SRD5A2: variants seen among roughly 807,000 people sequenced by gnomAD.
The protein encoded by SRD5A2 is 3-oxo-5-alpha-steroid 4-dehydrogenase 2.
SRD5A2 carries 30 observed loss-of-function variants against 27.4 expected under a neutral mutation model. That is an observed-to-expected ratio of 1.10 (90% confidence interval 0.82 to 1.49). SRD5A2 has a LOEUF of 1.49. SRD5A2 is among the 40% of genes most tolerant of loss of function. SRD5A2 has a pLI of 0.00. For synonymous variants in SRD5A2, 141 were observed against 133.6 expected, an observed-to-expected ratio of 1.06 and a Z score of -0.38; for missense variants, 348 against 323.4, an observed-to-expected ratio of 1.08 and a Z score of -0.58.
the SRD5A2 span, among the ~76,000 whole-genome samples, chr2:31,627,026 C>A: frequency 2.0e-5 from 3 of 152,098 alleles, no homozygotes; most frequent in African/African-American, 7.2e-5. Flanking sequence ...ATTGTTGCCT[C>A]AATTTCAGAA....
chr2:31,621,205 G>A, the SRD5A2 span, among the ~76,000 whole-genome samples: 1 of 151,796 alleles, frequency 6.6e-6, no homozygotes, highest in Non-Finnish European at 1.5e-5. Context: ...ACAGAATAAT[G>A]TCATCACCAC....
chr2:31,606,343 C>G, the SRD5A2 span, among the ~76,000 whole-genome samples: 1 of 151,948 alleles, frequency 6.6e-6, no homozygotes, highest in Non-Finnish European at 1.5e-5. Context: ...GGTATGGACA[C>G]CCCATTTGCC....
chr2:31,628,396 G>A, the SRD5A2 span, among the ~76,000 whole-genome samples: 19 of 152,016 alleles, frequency 1.2e-4, no homozygotes, highest in Admixed American at 6.6e-4. Flanking sequence ...CGAAGACAGC[G>A]TACCACTGGG....
intron 1 of SRD5A2, among the ~76,000 whole-genome samples, chr2:31,546,665 G>T (rs758391288): frequency 2.6e-5 from 4 of 152,158 alleles, no homozygotes; most frequent in Non-Finnish European, 4.4e-5. Context: ...GGGGCTAAGG[G>T]CTGAAAAACT....
the SRD5A2 span, among the ~76,000 whole-genome samples, chr2:31,607,370 A>G: frequency 1.3e-5 from 2 of 152,002 alleles, no homozygotes; most frequent in Non-Finnish European, 2.9e-5. Context: ...GGAAGGGTGA[A>G]GACAAAGAGG....
the SRD5A2 span, among the ~76,000 whole-genome samples, chr2:31,609,312 T>C: frequency 1.3e-5 from 2 of 151,818 alleles, no homozygotes; most frequent in Non-Finnish European, 2.9e-5. Flanking sequence ...GACAAAATAA[T>C]CTTTAAAAAG....
At chr2:31,580,948 C>A (rs1667071087), upstream of SRD5A2, 2 of 1,558,126 alleles carry the variant, frequency 1.3e-6, no homozygotes, top group Admixed American at 1.8e-5. Flanking sequence ...GAAGAGAGCG[C>A]GGCCCCCGCA....
chr2:31,546,681 T>C (rs1457504476), intron 1 of SRD5A2, among the ~76,000 whole-genome samples: 4 of 152,174 alleles, frequency 2.6e-5, no homozygotes, highest in East Asian at 3.8e-4. Flanking sequence ...AAACTACCAG[T>C]TGGCTACAAT....
chr2:31,528,973 C>A (rs1039101181), intron 4 of SRD5A2, among the ~76,000 whole-genome samples: 1 of 152,190 alleles, frequency 6.6e-6, no homozygotes, highest in Non-Finnish European at 1.5e-5. Flanking sequence ...GAGCCTGGGT[C>A]AGCTAACCCA....
At chr2:31,577,845 G>A (rs1666990771) in intron 1 of SRD5A2, among the ~76,000 whole-genome samples, 1 of 152,086 alleles carries the variant, frequency 6.6e-6, no homozygotes. Flanking sequence ...AACCACTTCT[G>A]GAAATCCTAA....
the SRD5A2 span, among the ~76,000 whole-genome samples, chr2:31,628,872 ATTCT>A: frequency 6.6e-6 from 1 of 151,892 alleles, no homozygotes; most frequent in Non-Finnish European, 1.5e-5. Context: ...TGCCTTTAAC[ATTCT>A]TTCTTTCATT....
intron 1 of SRD5A2, among the ~76,000 whole-genome samples, chr2:31,568,071 T>C (rs1346853118): frequency 6.6e-6 from 1 of 152,176 alleles, no homozygotes. Flanking sequence ...GGACCAGATG[T>C]ACCCCAAGTG....
chr2:31,653,273 T>G, the SRD5A2 span, among the ~76,000 whole-genome samples: 6 of 152,178 alleles, frequency 3.9e-5, no homozygotes, highest in Non-Finnish European at 5.9e-5. Context: ...ATCATGGAAC[T>G]GTATTCCAAA....
chr2:31,537,635 A>G (rs1383010005), intron 1 of SRD5A2, among the ~76,000 whole-genome samples: 4 of 151,776 alleles, frequency 2.6e-5, no homozygotes, highest in Non-Finnish European at 5.9e-5. Flanking sequence ...AGAACTCAGG[A>G]CTCTTTTTCT....
At chr2:31,625,457 T>C in the SRD5A2 span, among the ~76,000 whole-genome samples, 18 of 152,316 alleles carry the variant, frequency 1.2e-4, no homozygotes, top group African/African-American at 4.3e-4. Context: ...CTGAATGGTA[T>C]TGCCTAGGTT....
intron 1 of SRD5A2, among the ~76,000 whole-genome samples, chr2:31,564,340 G>C (rs1016451079): frequency 1.3e-5 from 2 of 151,458 alleles, no homozygotes; most frequent in Non-Finnish European, 2.9e-5. Flanking sequence ...TTGAAGAATA[G>C]CAATAGAAAT....
chr2:31,640,189 T>TG, the SRD5A2 span, among the ~76,000 whole-genome samples: 31 of 148,488 alleles, frequency 2.1e-4, 1 homozygote, highest in Non-Finnish European at 1.2e-4. Context: ...CAGCTGTGTG[T>TG]TTTTTTTTTA....
the SRD5A2 span, among the ~76,000 whole-genome samples, chr2:31,656,135 C>T: frequency 2.6e-5 from 4 of 152,140 alleles, no homozygotes; most frequent in East Asian, 7.7e-4. Context: ...AGAAGAGCCA[C>T]AACAGTGAAT....
At position 31,526,037 on chromosome 2, in the gene SRD5A2, A is replaced by G; in HGVS notation, c.*159T>C. 1.8e-6 allele frequency: 1 copy of G among 559,840 alleles called. No homozygotes were observed. Among genetic ancestry groups the G allele is most frequent in the Non-Finnish European group, 3.2e-6 (1 of 316,706 alleles). The allele number at this position is 559,840 out of a possible 1,614,324, so 34.7% of individuals were successfully genotyped here. A position where few individuals can be genotyped will look rare whatever the true frequency, so the allele number is the denominator to read the frequency against. On this transcript the variant is annotated 3_prime_UTR_variant, in exon 5 of 5. Coordinates refer to ENST00000622030, the MANE Select transcript of SRD5A2 (RefSeq NM_000348.4). The stretch of plus-strand genomic sequence containing the variant: ...CCTGGAAGGGTAGGAGTAAACTCTA[A>G]GCAGACACCACTCAGAATCCCCAGG...
Sources: allele counts gnomAD v4.1 joint callset (sites outside exome capture counted in the v4.1 genomes callset), GRCh38; gene constraint gnomAD v4.1.1; transcripts MANE v1.5; gene names NCBI Gene and HGNC (gene_info 2026-07-23, HGNC 2026-07-21).